The following MED12L variants were observed in gnomAD, a reference collection of about 807,000 sequenced individuals.
MED12L encodes mediator of RNA polymerase II transcription subunit 12-like protein.
Under a neutral mutation model 281.3 loss-of-function variants are expected in MED12L, and 60 were observed. The ratio of observed to expected loss-of-function variants is 0.21; its 90% CI spans 0.17 to 0.26. MED12L has a LOEUF of 0.26. MED12L is among the 10% of genes least tolerant of loss of function. The probability of loss-of-function intolerance (pLI) is 1.00; values close to 1 mark genes in which losing one functional copy is unlikely to be tolerated. For missense variants in MED12L, 2,146 were observed against 2,680.9 expected, an observed-to-expected ratio of 0.80 and a Z score of 4.41; for synonymous variants, 974 against 987.2, an observed-to-expected ratio of 0.99 and a Z score of 0.25.
At chr3:151,288,869 A>G (rs1743894833) in intron 16 of MED12L, among the ~76,000 whole-genome samples, 1 of 152,238 alleles carries the variant, frequency 6.6e-6, no homozygotes, top group Non-Finnish European at 1.5e-5. Flanking sequence ...CTCATCATGT[A>G]AATAACATAC....
intron 16 of MED12L, chr3:151,278,180 G>C (rs1307226838): frequency 6.6e-6 from 1 of 152,158 alleles, no homozygotes; most frequent in African/African-American, 2.4e-5. Context: ...GAGTGGCAAT[G>C]GTTCAGTGTT....
chr3:151,404,127 A>G (rs931085992), intron 39 of MED12L, among the ~76,000 whole-genome samples: 11 of 152,230 alleles, frequency 7.2e-5, no homozygotes, highest in African/African-American at 1.2e-4. Flanking sequence ...TATTTTATGT[A>G]TAAGTATTTA....
rs1194991690 is a variant in MED12L at position 151,385,714 on chromosome 3, G to A, written c.5088+523G>A. ...GGCAACAAAGTGAGACCCTGTCTCTGGGGGGGGAAAAAAAAAAAAAAACCT... is the reference window on the plus strand; with the variant it reads ...GGCAACAAAGTGAGACCCTGTCTCTAGGGGGGGAAAAAAAAAAAAAAACCT... On this transcript the variant is annotated intron_variant, in intron 36 of 44. Transcript: ENST00000687756. Among the ~76,000 whole-genome samples, 3 of 59,546 alleles carry A rather than the reference G, an allele frequency of 5.0e-5. No individual in the cohort carries two copies. In the East Asian group the frequency reaches 1.4e-3, roughly 29 times the overall value. 39.1% of individuals were successfully genotyped at this position (59,546 alleles called of 152,430 possible).
chr3:151,270,200 T>TGTGTGG (rs1266972041), intron 16 of MED12L: 2 of 133,726 alleles, frequency 1.5e-5, no homozygotes, highest in East Asian at 5.2e-4. Context: ...AGCTGTCGTG[T>TGTGTGG]GTGTGTGTGT....
At chr3:151,203,727 AGG>A (rs1447910309) in intron 16 of MED12L, among the ~76,000 whole-genome samples, 1 of 152,176 alleles carries the variant, frequency 6.6e-6, no homozygotes, top group African/African-American at 2.4e-5. Flanking sequence ...GAAATAAAAA[AGG>A]AACATCATTA....
chr3:151,339,336 A>G (rs1237320356), intron 16 of MED12L, among the ~76,000 whole-genome samples: 1 of 151,976 alleles, frequency 6.6e-6, no homozygotes, highest in Non-Finnish European at 1.5e-5. Flanking sequence ...GAAATGATGG[A>G]TAATTGCCTG....
chr3:151,379,563 A>C (rs1417247186), intron 31 of MED12L, among the ~76,000 whole-genome samples: 19 of 152,222 alleles, frequency 1.2e-4, no homozygotes, highest in Admixed American at 1.2e-3. Flanking sequence ...AGGGGTCGCC[A>C]GCAAGTACAC....
Position 151,192,607 on chromosome 3 carries a change from G to A in MED12L, c.2026G>A (p.Glu676Lys). The change falls in exon 15 of 45, where the codon GAA becomes AAA. Residue 676 changes from glutamate to lysine, a missense_variant. Physicochemically the swap from Glu to Lys is moderately conservative, Grantham distance 56. This residue lies in a region of MED12L where 722 missense variants were observed against 861.2 expected (regional missense o/e 0.84). Coordinates refer to ENST00000687756, the MANE Select transcript of MED12L (RefSeq NM_001393769.1). ...IDSGTTNIFD[E>K]VDKSDFKTDF... The stretch of plus-strand genomic sequence containing the variant: ...CTCAGGAACCACTAACATTTTTGAT[G>A]AAGTAGACAAGAGTGACTTTAAAAC... The A allele has an allele frequency of 6.5e-7, 1 of 1,536,400 alleles. No individual in the cohort carries two copies. The highest frequency in any genetic ancestry group is 8.7e-7 in the Non-Finnish European group (1 of 1,146,906).
intron 16 of MED12L, chr3:151,329,648 G>T (rs1020566743): frequency 5.1e-6 from 3 of 587,320 alleles, no homozygotes; most frequent in South Asian, 2.7e-5. Context: ...TAGACCTTTG[G>T]GACATTTGCT....
intron 11 of MED12L, among the ~76,000 whole-genome samples, chr3:151,170,006 A>G (rs1721225965): frequency 6.6e-6 from 1 of 152,204 alleles, no homozygotes; most frequent in South Asian, 2.1e-4. Flanking sequence ...AGGGAAATGC[A>G]GTCCTCTCTA....
At chr3:151,241,169 C>G (rs1038183569) in intron 16 of MED12L, among the ~76,000 whole-genome samples, 9 of 152,156 alleles carry the variant, frequency 5.9e-5, no homozygotes, top group African/African-American at 2.2e-4. Flanking sequence ...TTTCTCCTTG[C>G]CCTTTGGCAT....
In MED12L at chr3:151,266,968, G is replaced by A. The variant is rs148041179; in HGVS notation, c.2250+73302G>A. 1.9e-3 allele frequency among the ~76,000 whole-genome samples: 285 copies of A among 152,262 alleles called. 1 individual carries two copies. Among genetic ancestry groups the A allele is most frequent in the Middle Eastern group, 3.4e-3 (1 of 294 alleles). On this transcript the variant is annotated intron_variant, in intron 16 of 44. Transcript: ENST00000687756. ...AGTGTTTTCAGTATGGTTTAAAATG[G>A]ATTTTATGGGATGTTTGGATTTACT...
intron 5 of MED12L, among the ~76,000 whole-genome samples, chr3:151,153,348 A>G (rs1358295083): frequency 1.3e-5 from 2 of 152,142 alleles, no homozygotes; most frequent in Admixed American, 1.3e-4. Context: ...AACATTCATG[A>G]TCATAAACTT....
intron 11 of MED12L, among the ~76,000 whole-genome samples, chr3:151,183,988 G>T (rs527849959): frequency 6.6e-6 from 1 of 152,238 alleles, no homozygotes; most frequent in South Asian, 2.1e-4. Context: ...GTTCATATAG[G>T]TTAGAGTGAA....
At chr3:151,263,562 C>T (rs996817062) in intron 16 of MED12L, among the ~76,000 whole-genome samples, 7 of 152,082 alleles carry the variant, frequency 4.6e-5, no homozygotes, top group African/African-American at 7.2e-5. Flanking sequence ...CGTGTTTTAT[C>T]GTTAATTTAA....
chr3:151,210,629 C>T (rs568424940), intron 16 of MED12L, among the ~76,000 whole-genome samples: 1 of 152,224 alleles, frequency 6.6e-6, no homozygotes, highest in Non-Finnish European at 1.5e-5. Context: ...GGTTTTTAGT[C>T]GTCATGAGTG....
intron 4 of MED12L, 144 bp downstream of exon 4, chr3:151,123,118 C>T (rs1714003782): frequency 4.7e-6 from 3 of 640,614 alleles, no homozygotes; most frequent in Non-Finnish European, 7.8e-6. Context: ...GGGTGTTACT[C>T]CATGCTGTTT....
At position 151,226,309 on chromosome 3, in the gene MED12L, C is replaced by A. The variant is rs371759880; in HGVS notation, c.2250+32643C>A. On this transcript the variant is annotated intron_variant, in intron 16 of 44. Transcript: ENST00000687756. ...ATAGGAACAGGCATCAAGACTGACA[C>A]GAGAGGCTGTCACAGTGGGGGAAAA... 1.3e-4 allele frequency among the ~76,000 whole-genome samples: 20 copies of A among 152,276 alleles called. No homozygotes were observed. In the East Asian group the frequency reaches 3.7e-3, roughly 28 times the overall value.
At chr3:151,171,660 A>G (rs1029635627) in intron 11 of MED12L, among the ~76,000 whole-genome samples, 1 of 152,286 alleles carries the variant, frequency 6.6e-6, no homozygotes, top group South Asian at 2.1e-4. Context: ...AAAGGTTGTG[A>G]TGAGTTCATA....
Sources: allele counts gnomAD v4.1 joint callset (sites outside exome capture counted in the v4.1 genomes callset), GRCh38; gene constraint gnomAD v4.1.1; regional missense constraint gnomAD v4.1.1; transcripts MANE v1.5; gene names NCBI Gene and HGNC (gene_info 2026-07-23, HGNC 2026-07-21).